KLF12: variants seen among roughly 807,000 people sequenced by gnomAD.
The protein encoded by KLF12 is Krueppel-like factor 12.
KLF12 carries 9 observed loss-of-function variants against 37.8 expected under a neutral mutation model. The observed-to-expected ratio is 0.24, with a 90% CI of 0.14 to 0.42. The LOEUF is 0.42. Among genes scored for constraint, KLF12 ranks in the 10% least tolerant of loss-of-function variants. The pLI is 1.00. For synonymous variants in KLF12, 208 were observed against 202.1 expected (o/e 1.03, Z -0.25); for missense variants, 411 against 516.0 (o/e 0.80, Z 1.97).
the KLF12 span, among the ~76,000 whole-genome samples, chr13:74,282,519 T>C: frequency 1.3e-5 from 2 of 152,188 alleles, no homozygotes; most frequent in Non-Finnish European, 2.9e-5. Context: ...TGAAGTTCCC[T>C]AGGGCTATAG....
chr13:74,056,555 C>T (rs907152872), intron 1 of KLF12, among the ~76,000 whole-genome samples: 3 of 152,186 alleles, frequency 2.0e-5, no homozygotes, highest in African/African-American at 7.2e-5. Context: ...GCTCCCTGCA[C>T]AGAGGGGAGA....
intron 1 of KLF12, among the ~76,000 whole-genome samples, chr13:74,109,682 A>G (rs1401189056): frequency 6.6e-6 from 1 of 152,188 alleles, no homozygotes; most frequent in African/African-American, 2.4e-5. Context: ...TAAAAATAAA[A>G]AGACAGTTCT....
intron 1 of KLF12, among the ~76,000 whole-genome samples, chr13:74,059,737 A>T (rs996344435): frequency 3.3e-5 from 5 of 151,934 alleles, no homozygotes; most frequent in Non-Finnish European, 7.4e-5. Context: ...TTGCCTGTTT[A>T]TTTTGTTGAT....
At chr13:74,224,820 A>G in the KLF12 span, among the ~76,000 whole-genome samples, 1 of 152,200 alleles carries the variant, frequency 6.6e-6, no homozygotes, top group East Asian at 1.9e-4. Context: ...AGCATGCCAA[A>G]ATGTCAATTT....
intron 2 of KLF12, among the ~76,000 whole-genome samples, chr13:73,950,143 T>C (rs1390340015): frequency 6.6e-6 from 1 of 152,238 alleles, no homozygotes; most frequent in Admixed American, 6.5e-5. Context: ...GTTTCCTATG[T>C]TGGTAAAGTG....
At chr13:73,917,930 A>G (rs1888919961) in intron 3 of KLF12, among the ~76,000 whole-genome samples, 1 of 150,220 alleles carries the variant, frequency 6.7e-6, no homozygotes, top group Non-Finnish European at 1.5e-5. Flanking sequence ...CACAGTGAGA[A>G]ATGAAAAAAA....
intron 5 of KLF12, among the ~76,000 whole-genome samples, chr13:73,804,288 C>T (rs1357549914): frequency 6.6e-6 from 1 of 152,182 alleles, no homozygotes; most frequent in African/African-American, 2.4e-5. Context: ...AGGGTCAGAA[C>T]TATGAGTCAT....
intron 5 of KLF12, among the ~76,000 whole-genome samples, chr13:73,798,893 C>T (rs1420276569): frequency 6.6e-6 from 1 of 152,134 alleles, no homozygotes; most frequent in Non-Finnish European, 1.5e-5. Flanking sequence ...CCATTGGATC[C>T]AGTAATCCCA....
At chr13:73,886,966 T>G (rs1270209002) in intron 3 of KLF12, among the ~76,000 whole-genome samples, 1 of 141,382 alleles carries the variant, frequency 7.1e-6, no homozygotes, top group African/African-American at 2.6e-5. Context: ...TACTCCAGCC[T>G]GGGCAACAAG....
chr13:73,733,425 C>T (rs1322215113), intron 6 of KLF12, among the ~76,000 whole-genome samples: 1 of 152,028 alleles, frequency 6.6e-6, no homozygotes, highest in Non-Finnish European at 1.5e-5. Flanking sequence ...TTATGTCTGT[C>T]TGTCTTATTT....
At chr13:74,214,914 C>T in the KLF12 span, among the ~76,000 whole-genome samples, 2 of 152,168 alleles carry the variant, frequency 1.3e-5, no homozygotes, top group Admixed American at 1.3e-4. Flanking sequence ...CCTGCTTCAA[C>T]CTCTTGAGTA....
the KLF12 span, among the ~76,000 whole-genome samples, chr13:74,267,596 G>A: frequency 6.6e-6 from 1 of 152,144 alleles, no homozygotes; most frequent in Non-Finnish European, 1.5e-5. Context: ...GGGGGAAGGA[G>A]GGATGAAGAG....
At position 73,788,525 on chromosome 13, in the gene KLF12, T is replaced by C. The variant is rs572868290; in HGVS notation, c.807-23525A>G. ...CAGTTCAACAATACAGGGTGGTTCA[T>C]GGTGACTGCCAAGGGCTGTTCTGTA... On this transcript the variant is annotated intron_variant, in intron 5 of 7. Coordinates refer to ENST00000377669, the MANE Select transcript of KLF12 (RefSeq NM_007249.5). Among the ~76,000 whole-genome samples, 4 of 152,332 alleles carry C rather than the reference T, an allele frequency of 2.6e-5. No individual in the cohort carries two copies. The South Asian group carries it at 8.3e-4, about 32-fold the overall frequency.
At chr13:73,698,058 G>A (rs1874273576) in intron 7 of KLF12, among the ~76,000 whole-genome samples, 1 of 152,062 alleles carries the variant, frequency 6.6e-6, no homozygotes, top group African/African-American at 2.4e-5. Context: ...TGGGGAGGCT[G>A]AGGCAGAAGA....
the KLF12 span, among the ~76,000 whole-genome samples, chr13:74,173,908 T>C: frequency 1.3e-5 from 2 of 152,222 alleles, no homozygotes; most frequent in East Asian, 3.8e-4. Context: ...TCATAGGCCA[T>C]TGTTTATTAA....
chr13:73,705,352 C>A (rs991850685), intron 7 of KLF12, among the ~76,000 whole-genome samples: 1 of 152,196 alleles, frequency 6.6e-6, no homozygotes, highest in Non-Finnish European at 1.5e-5. Context: ...CAGCTCACTG[C>A]AACCTCTGCC....
Position 73,695,461 on chromosome 13 carries a change from C to G in KLF12, c.*29G>C, listed in dbSNP as rs1187938375. ...TTGGGTGCCGCTAAGAGATCCAGCTCTTACGCTCAGCTGGACAGGTAGCAT... is the reference window on the plus strand; with the variant it reads ...TTGGGTGCCGCTAAGAGATCCAGCTGTTACGCTCAGCTGGACAGGTAGCAT... On this transcript the variant is annotated 3_prime_UTR_variant, in exon 8 of 8. Transcript: ENST00000377669. 6.2e-7 allele frequency: 1 copy of G among 1,607,814 alleles called. No homozygotes were observed. The highest frequency in any genetic ancestry group is 1.7e-5 in the Admixed American group (1 of 59,956).
At chr13:74,008,335 G>A (rs1189934878) in intron 1 of KLF12, among the ~76,000 whole-genome samples, 1 of 152,118 alleles carries the variant, frequency 6.6e-6, no homozygotes, top group Non-Finnish European at 1.5e-5. Flanking sequence ...GGGTACATGA[G>A]CCACTCTTGT....
chr13:73,849,984 G>A (rs1012163058), intron 3 of KLF12, among the ~76,000 whole-genome samples: 1 of 152,084 alleles, frequency 6.6e-6, no homozygotes, highest in Admixed American at 6.6e-5. Flanking sequence ...TTGTCAAAGA[G>A]GAGAGTAATT....
Sources: gnomAD v4.1 joint callset for allele counts (sites outside exome capture counted in the v4.1 genomes callset) on GRCh38, gnomAD v4.1.1 for gene constraint, MANE v1.5 for transcripts, NCBI Gene and HGNC (gene_info 2026-07-23, HGNC 2026-07-21) for gene names.